The following NAV2 variants were observed in gnomAD, a reference collection of about 807,000 sequenced individuals.
The protein encoded by NAV2 is helicase, APC down-regulated 1.
Under a neutral mutation model 223.2 loss-of-function variants are expected in NAV2, and 54 were observed. The observed-to-expected ratio is 0.24, with a 90% confidence interval of 0.19 to 0.30. The LOEUF (loss-of-function observed/expected upper bound fraction) is 0.30, where lower values mean the gene tolerates loss of function less well. Ranked by LOEUF, NAV2 falls within the 10% of genes least tolerant of loss-of-function variation. NAV2 has a pLI of 1.00. For missense variants in NAV2, 2,806 were observed against 3,147.5 expected, an observed-to-expected ratio of 0.89 and a Z score of 2.60; for synonymous variants, 1,279 against 1,239.3, an observed-to-expected ratio of 1.03 and a Z score of -0.67.
intron 20 of NAV2, among the ~76,000 whole-genome samples, chr11:20,067,674 A>G (rs1399693474): frequency 9.4e-5 from 13 of 138,368 alleles, no homozygotes; most frequent in African/African-American, 3.6e-4. Flanking sequence ...TATTTTTAGT[A>G]GAGATGGGTT....
chr11:19,376,472 C>T (rs547173715), intron 1 of NAV2, among the ~76,000 whole-genome samples: 1 of 152,306 alleles, frequency 6.6e-6, no homozygotes, highest in African/African-American at 2.4e-5. Context: ...ACGAGGGACT[C>T]ACCTGCTGTT....
At chr11:19,443,818 G>C (rs1170597935) in intron 1 of NAV2, among the ~76,000 whole-genome samples, 1 of 152,166 alleles carries the variant, frequency 6.6e-6, no homozygotes, top group Non-Finnish European at 1.5e-5. Context: ...TAACATCTAT[G>C]TTTTAGAGTT....
intron 1 of NAV2, among the ~76,000 whole-genome samples, chr11:19,421,667 G>T (rs4474414): frequency 0.77 from 117,604 of 151,778 alleles, 46,134 homozygotes; most frequent in Non-Finnish European, 0.84. Flanking sequence ...GTGGAAATTT[G>T]GAAAACTGAG....
chr11:19,803,571 T>C (rs893511083), intron 1 of NAV2, among the ~76,000 whole-genome samples: 3 of 152,242 alleles, frequency 2.0e-5, no homozygotes, highest in Admixed American at 6.5e-5. Context: ...CATCCCTGCC[T>C]CAAAGGATAT....
chr11:19,693,748 A>C (rs1040080315), intron 1 of NAV2, among the ~76,000 whole-genome samples: 3 of 152,176 alleles, frequency 2.0e-5, no homozygotes, highest in African/African-American at 7.2e-5. Context: ...CCCACACACC[A>C]GCGACTGGTG....
intron 1 of NAV2, among the ~76,000 whole-genome samples, chr11:19,680,260 C>A (rs148763853): frequency 6.6e-6 from 1 of 152,188 alleles, no homozygotes; most frequent in South Asian, 2.1e-4. Flanking sequence ...CTTTTTGGCA[C>A]CGAATGCAGT....
chr11:19,601,251 G>A (rs2135242698), intron 1 of NAV2, among the ~76,000 whole-genome samples: 1 of 152,290 alleles, frequency 6.6e-6, no homozygotes, highest in African/African-American at 2.4e-5. Flanking sequence ...AATTGCTGCT[G>A]CTTCCTCCTC....
At chr11:19,584,214 C>T (rs1370519451) in intron 1 of NAV2, among the ~76,000 whole-genome samples, 8 of 152,080 alleles carry the variant, frequency 5.3e-5, no homozygotes, top group South Asian at 2.1e-4. Context: ...TCTGTGGGAT[C>T]GGTGGTGATA....
chr11:19,377,799 C>A (rs1194499122), intron 1 of NAV2, among the ~76,000 whole-genome samples: 1 of 152,168 alleles, frequency 6.6e-6, no homozygotes, highest in Admixed American at 6.5e-5. Context: ...GGCAAAGGTT[C>A]TGCCATTCCA....
intron 19 of NAV2, among the ~76,000 whole-genome samples, chr11:20,057,420 T>C (rs1031739261): frequency 6.6e-6 from 1 of 152,152 alleles, no homozygotes; most frequent in Non-Finnish European, 1.5e-5. Context: ...TAAATCCATA[T>C]ATGGGAAGCT....
At chr11:20,106,890 C>CCGGCCT (rs1189726095) in intron 35 of NAV2, among the ~76,000 whole-genome samples, 1 of 151,924 alleles carries the variant, frequency 6.6e-6, no homozygotes, top group Non-Finnish European at 1.5e-5. Context: ...AGGTGTTCCA[C>CCGGCCT]CGGCCTCGGC....
At position 20,020,781 on chromosome 11, in the gene NAV2, A is replaced by G. The variant is rs542641531; in HGVS notation, c.2769-15178A>G. 1.1e-4 allele frequency among the ~76,000 whole-genome samples: 17 copies of G among 152,296 alleles called. No individual in the cohort carries two copies. The East Asian group carries it at 3.3e-3, about 29-fold the overall frequency. Reference sequence around the variant, plus strand: ...CAATGTATCCTCTCTCCCTCAGAGTAAAAGACAAGCTGCTTACGCTGACTT... The same window carrying G: ...CAATGTATCCTCTCTCCCTCAGAGTGAAAGACAAGCTGCTTACGCTGACTT... On this transcript the variant is annotated intron_variant, in intron 11 of 37. Transcript: ENST00000349880.
At chr11:19,373,615 C>T (rs1848544148) in intron 1 of NAV2, among the ~76,000 whole-genome samples, 1 of 152,168 alleles carries the variant, frequency 6.6e-6, no homozygotes, top group South Asian at 2.1e-4. Context: ...AGCCTCTTAC[C>T]CTCCCTGTTT....
chr11:19,950,717 G>A (rs1012826155), intron 10 of NAV2, among the ~76,000 whole-genome samples: 2 of 152,174 alleles, frequency 1.3e-5, no homozygotes, highest in African/African-American at 4.8e-5. Flanking sequence ...CCCTCTGAAG[G>A]TTCACTGGAA....
chr11:19,688,498 ATT>A (rs2049083520), intron 1 of NAV2, among the ~76,000 whole-genome samples: 1 of 152,346 alleles, frequency 6.6e-6, no homozygotes, highest in East Asian at 1.9e-4. Context: ...TTTACTTTAC[ATT>A]TTAAGAAAAA....
chr11:19,860,193 A>G (rs2061658428), intron 3 of NAV2, among the ~76,000 whole-genome samples: 5 of 141,238 alleles, frequency 3.5e-5, no homozygotes, highest in Admixed American at 7.1e-5. Context: ...TCCCTCCCAG[A>G]CGGGGTGGCT....
intron 1 of NAV2, among the ~76,000 whole-genome samples, chr11:19,515,768 G>T (rs2043426473): frequency 6.6e-6 from 1 of 152,208 alleles, no homozygotes; most frequent in South Asian, 2.1e-4. Flanking sequence ...GATGCTGGAG[G>T]CTTGGACCAG....
At chr11:19,777,155 G>T (rs2056312736) in intron 1 of NAV2, among the ~76,000 whole-genome samples, 4 of 150,010 alleles carry the variant, frequency 2.7e-5, no homozygotes, top group Admixed American at 2.7e-4. Flanking sequence ...TGCGAGGAGC[G>T]GGCGCTTGGA....
At chr11:19,699,146 C>A (rs2049434702) in intron 1 of NAV2, among the ~76,000 whole-genome samples, 1 of 152,206 alleles carries the variant, frequency 6.6e-6, no homozygotes, top group South Asian at 2.1e-4. Context: ...GAATTCTGTG[C>A]CAGGTTGCTG....
Sources: allele counts gnomAD v4.1 joint callset (sites outside exome capture counted in the v4.1 genomes callset), GRCh38; gene constraint gnomAD v4.1.1; transcripts MANE v1.5; gene names NCBI Gene and HGNC (gene_info 2026-07-23, HGNC 2026-07-21).